Variants in RNF2 observed in about 807,000 individuals in gnomAD.
RNF2 encodes the protein E3 ubiquitin-protein ligase RING2.
Under a neutral mutation model 37.2 loss-of-function variants are expected in RNF2, and 6 were observed. The observed-to-expected ratio is 0.16, with a 90% CI of 0.09 to 0.32. RNF2 has a LOEUF of 0.32. Among genes scored for constraint, RNF2 ranks in the 10% least tolerant of loss-of-function variants. The pLI, the probability that RNF2 is intolerant of heterozygous loss-of-function variation, is 1.00. For missense variants in RNF2, 251 were observed against 404.0 expected, an observed-to-expected ratio of 0.62 and a Z score of 3.25; for synonymous variants, 133 against 132.7, an observed-to-expected ratio of 1.00 and a Z score of -0.02.
chr1:185,064,370 C>T (rs1424513229), intron 1 of RNF2, among the ~76,000 whole-genome samples: 3 of 152,100 alleles, frequency 2.0e-5, no homozygotes, highest in African/African-American at 7.2e-5. Context: ...TCAACACTGG[C>T]AGGATTTCAT....
intron 1 of RNF2, among the ~76,000 whole-genome samples, chr1:185,073,059 C>CTTT (rs5779240): frequency 7.3e-6 from 1 of 136,972 alleles, no homozygotes. Flanking sequence ...CTACGACTTG[C>CTTT]TTTTTTTTTT....
At chr1:185,047,186 T>A (rs1018747785) in intron 1 of RNF2, among the ~76,000 whole-genome samples, 1 of 152,238 alleles carries the variant, frequency 6.6e-6, no homozygotes, top group Admixed American at 6.5e-5. Context: ...CCTTGTGGCA[T>A]CCACATTTGA....
intron 1 of RNF2, among the ~76,000 whole-genome samples, chr1:185,057,518 A>AGC (rs1206538126): frequency 1.3e-5 from 2 of 152,180 alleles, no homozygotes; most frequent in African/African-American, 4.8e-5. Flanking sequence ...ATGGAAGTAA[A>AGC]GCAGTACCTG....
chr1:185,080,624 T>C (rs1651317510), intron 1 of RNF2, among the ~76,000 whole-genome samples: 1 of 152,172 alleles, frequency 6.6e-6, no homozygotes, highest in Non-Finnish European at 1.5e-5. Flanking sequence ...CATATTATTG[T>C]AATGCAGACT....
rs1652067132 is a variant in RNF2 at position 185,101,158 on chromosome 1, T to G, written c.*857T>G. On this transcript the variant is annotated 3_prime_UTR_variant, in exon 7 of 7. Transcript: ENST00000367510. ...ATTAAAATACCAGAGATAATGGAGATATTTTGCACTTTAGCCTTGATGAAA... is the reference window on the plus strand; with the variant it reads ...ATTAAAATACCAGAGATAATGGAGAGATTTTGCACTTTAGCCTTGATGAAA... The G allele has an allele frequency of 6.6e-6, 1 of 152,568 alleles. No individual in the cohort carries two copies. The highest frequency in any genetic ancestry group is 2.4e-5 in the African/African-American group (1 of 41,456). The allele number at this position is 152,568 out of a possible 1,614,324, so 9.5% of individuals were successfully genotyped here.
intron 1 of RNF2, 142 bp from the exon 2 acceptor site, chr1:185,087,410 C>T (rs1417936988): frequency 1.5e-6 from 1 of 654,212 alleles, no homozygotes; most frequent in Admixed American, 2.6e-5. Context: ...ATAACCTGAT[C>T]ACCTCCCAAA....
intron 1 of RNF2, among the ~76,000 whole-genome samples, chr1:185,059,205 G>C (rs1270511368): frequency 2.0e-5 from 3 of 149,722 alleles, no homozygotes; most frequent in African/African-American, 5.0e-5. Flanking sequence ...GAGAATAGAA[G>C]TCTCCTGAAT....
At chr1:185,092,386 A>C (rs144018682) in intron 3 of RNF2, among the ~76,000 whole-genome samples, 2,598 of 151,632 alleles carry the variant, frequency 0.017, 78 homozygotes, top group African/African-American at 0.058. Flanking sequence ...TGTGTTGGTC[A>C]GGCTGGTCTT....
chr1:185,048,045 C>A (rs951137278), intron 1 of RNF2, among the ~76,000 whole-genome samples: 24 of 152,238 alleles, frequency 1.6e-4, no homozygotes, highest in Non-Finnish European at 3.2e-4. Context: ...TGACTGTTTG[C>A]CTACTGGTCT....
intron 1 of RNF2, among the ~76,000 whole-genome samples, chr1:185,059,384 T>C (rs1650534247): frequency 6.6e-6 from 1 of 152,192 alleles, no homozygotes; most frequent in Admixed American, 6.5e-5. Flanking sequence ...TATTGTAATA[T>C]GGTAACAGTA....
At chr1:185,092,362 A>T (rs1351494789) in intron 3 of RNF2, among the ~76,000 whole-genome samples, 1 of 151,500 alleles carries the variant, frequency 6.6e-6, no homozygotes, top group African/African-American at 2.4e-5. Flanking sequence ...TTTTTAGTAG[A>T]GGGGGGCTTT....
intron 2 of RNF2, among the ~76,000 whole-genome samples, chr1:185,089,642 A>C (rs1278764825): frequency 6.6e-6 from 1 of 152,142 alleles, no homozygotes; most frequent in Non-Finnish European, 1.5e-5. Flanking sequence ...ATGAATAGGC[A>C]GTTCTTCAGA....
In RNF2 at chr1:185,073,341, T is replaced by C. The variant is rs913557611; in HGVS notation, c.-2-14211T>C. On this transcript the variant is annotated intron_variant, in intron 1 of 6. Transcript: ENST00000367510. Reference sequence around the variant, plus strand: ...CTGGGTAAATTTATTAAGAGAGTTATTACAATATCAAAACTTAGGAGCCAT... The same window carrying C: ...CTGGGTAAATTTATTAAGAGAGTTACTACAATATCAAAACTTAGGAGCCAT... 2.6e-5 allele frequency among the ~76,000 whole-genome samples: 4 copies of C among 152,284 alleles called. No individual in the cohort carries two copies. The South Asian group carries it at 8.3e-4, about 32-fold the overall frequency.
At chr1:185,048,880 C>A (rs1306131811) in intron 1 of RNF2, among the ~76,000 whole-genome samples, 2 of 152,106 alleles carry the variant, frequency 1.3e-5, no homozygotes, top group East Asian at 3.9e-4. Flanking sequence ...TCTTTGAGCA[C>A]TGCGTGAAGT....
In RNF2 at chr1:185,097,865, G is replaced by A. The variant is rs191960037; in HGVS notation, c.465-207G>A. On this transcript the variant is annotated intron_variant, in intron 4 of 6. Transcript: ENST00000367510. ...AATTATTAAGTGAATAGAAACATTC[G>A]TTAAATTATTTAAATGTTTGCCTGT... is the stretch of plus-strand genomic sequence containing the variant. Among the ~76,000 whole-genome samples the A allele has an allele frequency of 1.9e-3, 283 of 152,300 alleles. 1 individual carries two copies. The highest frequency in any genetic ancestry group is 6.7e-3 in the African/African-American group (277 of 41,560).
At position 185,102,294 on chromosome 1, in the gene RNF2, G is replaced by C. The variant is rs1235670922; in HGVS notation, c.*1993G>C. On this transcript the variant is annotated 3_prime_UTR_variant, in exon 7 of 7. Coordinates refer to ENST00000367510, the MANE Select transcript of RNF2 (RefSeq NM_007212.4). ...GGTACGGGGAGAGGCGATGCTATTG[G>C]CCATCACTACCAACCAGGGTTTCAA... The C allele has an allele frequency of 6.6e-6, 1 of 152,006 alleles. No individual in the cohort carries two copies. Among genetic ancestry groups the C allele is most frequent in the Non-Finnish European group, 1.5e-5 (1 of 67,938 alleles). 9.4% of individuals were successfully genotyped at this position (152,006 alleles called of 1,614,324 possible).
intron 1 of RNF2, among the ~76,000 whole-genome samples, chr1:185,063,280 G>T (rs1650666401): frequency 6.6e-6 from 1 of 152,144 alleles, no homozygotes; most frequent in Non-Finnish European, 1.5e-5. Flanking sequence ...AAAACCATTT[G>T]GCTGGCTTTT....
chr1:185,059,233 A>AG (rs1182708718), intron 1 of RNF2, among the ~76,000 whole-genome samples: 1 of 151,766 alleles, frequency 6.6e-6, no homozygotes, highest in African/African-American at 2.4e-5. Flanking sequence ...TGGATTAAAA[A>AG]AAAAAAACCT....
chr1:185,048,077 G>C (rs1464902453), intron 1 of RNF2, among the ~76,000 whole-genome samples: 1 of 152,080 alleles, frequency 6.6e-6, no homozygotes, highest in African/African-American at 2.4e-5. Context: ...TACCTAATGT[G>C]TCTACTGGGT....
Sources: gnomAD v4.1 joint callset for allele counts (sites outside exome capture counted in the v4.1 genomes callset) on GRCh38, gnomAD v4.1.1 for gene constraint, MANE v1.5 for transcripts, NCBI Gene and HGNC (gene_info 2026-07-23, HGNC 2026-07-21) for gene names.